ACYP2: variants seen among roughly 807,000 people sequenced by gnomAD.
ACYP2 encodes acylphosphatase-2.
A neutral mutation model predicts 11.2 loss-of-function variants in ACYP2; 12 were observed. The ratio of observed to expected loss-of-function variants is 1.08; its 90% CI spans 0.69 to 1.74. ACYP2 has a LOEUF of 1.74. Ranked by LOEUF, ACYP2 falls within the 40% of genes most tolerant of loss-of-function variation. ACYP2 has a pLI of 0.00. For missense variants in ACYP2, 134 were observed against 101.9 expected (o/e 1.31, Z -1.35); for synonymous variants, 43 against 32.2 (o/e 1.33, Z -1.13).
At chr2:54,054,345 T>C (rs1676012389) in intron 3 of ACYP2, among the ~76,000 whole-genome samples, 1 of 152,246 alleles carries the variant, frequency 6.6e-6, no homozygotes, top group African/African-American at 2.4e-5. Context: ...AAAAGGTTCT[T>C]CTTTTGCTTC....
rs1224038764 is a variant in ACYP2, at chr2:53,988,247, C to G, written c.62+14437C>G. Among the ~76,000 whole-genome samples, 3 of 151,906 alleles carry G rather than the reference C, an allele frequency of 2.0e-5. No individual in the cohort carries two copies. In the East Asian group the frequency reaches 5.8e-4, roughly 29 times the overall value. On this transcript the variant is annotated intron_variant, in intron 2 of 6. Coordinates refer to ENST00000607452, the MANE Select transcript of ACYP2 (RefSeq NM_001320586.2). ...ATAATCAAAAACACTTTGCCTAGTC[C>G]TAGATTCCAAAGTTCTTTTTCTAAA...
intron 2 of ACYP2, among the ~76,000 whole-genome samples, chr2:54,050,734 AT>A (rs796439310): frequency 1.2e-4 from 18 of 152,120 alleles, no homozygotes; most frequent in African/African-American, 3.6e-4. Context: ...CTCTAGTTCA[AT>A]TTTTGATTGC....
At chr2:54,194,564 A>G (rs1229497988) in intron 6 of ACYP2, among the ~76,000 whole-genome samples, 1 of 152,094 alleles carries the variant, frequency 6.6e-6, no homozygotes, top group Non-Finnish European at 1.5e-5. Flanking sequence ...TTATATAATA[A>G]TATATTATAT....
At chr2:54,025,457 A>G (rs961620198) in intron 2 of ACYP2, among the ~76,000 whole-genome samples, 2 of 152,184 alleles carry the variant, frequency 1.3e-5, no homozygotes, top group Non-Finnish European at 2.9e-5. Flanking sequence ...AACACAGCAA[A>G]CAAAAACATA....
rs530236523 is a variant in ACYP2, at chr2:54,264,206, C to T, written c.405-40482C>T. ...TTGATTTCAGGAGTGAAGCCGCAGA[C>T]CTTCTCAGTGAGTGCTACAGGTCAT... On this transcript the variant is annotated intron_variant, in intron 6 of 6. Coordinates refer to ENST00000607452, the MANE Select transcript of ACYP2 (RefSeq NM_001320586.2). Among the ~76,000 whole-genome samples the T allele has an allele frequency of 5.3e-5, 8 of 152,270 alleles. No homozygotes were observed. The South Asian group carries it at 1.7e-3, about 32-fold the overall frequency.
chr2:53,994,352 A>C (rs1309909883), intron 2 of ACYP2, among the ~76,000 whole-genome samples: 10 of 130,406 alleles, frequency 7.7e-5, no homozygotes, highest in Non-Finnish European at 1.3e-4. Context: ...AAAAAAAAAA[A>C]CGAAAAAAAA....
At chr2:54,233,765 T>G (rs144320408) in intron 6 of ACYP2, among the ~76,000 whole-genome samples, 1 of 152,356 alleles carries the variant, frequency 6.6e-6, no homozygotes, top group East Asian at 1.9e-4. Context: ...TAAACCAGTT[T>G]GATCATTATG....
intron 6 of ACYP2, among the ~76,000 whole-genome samples, chr2:54,171,896 T>C (rs1423182813): frequency 6.6e-6 from 1 of 152,146 alleles, no homozygotes; most frequent in Non-Finnish European, 1.5e-5. Context: ...TTCCCTGTAC[T>C]AATTGGAATG....
intron 2 of ACYP2, among the ~76,000 whole-genome samples, chr2:53,992,208 T>TCTTCTTTCTCCTTCCTTC (rs1421046750): frequency 6.6e-6 from 1 of 151,460 alleles, no homozygotes; most frequent in East Asian, 1.9e-4. Flanking sequence ...TTCCTTCCTT[T>TCTTCTTTCTCCTTCCTTC]CTTCTTTCTC....
intron 1 of ACYP2, among the ~76,000 whole-genome samples, chr2:53,971,608 C>T (rs1671122992): frequency 6.6e-6 from 1 of 152,230 alleles, no homozygotes; most frequent in East Asian, 1.9e-4. Flanking sequence ...ACCTGGTTTC[C>T]GCCCTCCCAA....
rs947346656 is a variant in ACYP2, at chr2:54,176,926, C to T, written c.404+38178C>T. Among the ~76,000 whole-genome samples, 23 of 152,110 alleles carry T rather than the reference C, an allele frequency of 1.5e-4. 1 individual carries two copies. The stretch of plus-strand genomic sequence containing the variant: ...CTGTTGCAACTGCATTACAGTTCAC[C>T]TCTCCCTCTGTCAATCCAGCTTCCC... On this transcript the variant is annotated intron_variant, in intron 6 of 6. Transcript: ENST00000607452.
intron 4 of ACYP2, chr2:54,065,782 A>G (rs772478127): frequency 1.1e-4 from 37 of 327,880 alleles, no homozygotes; most frequent in Non-Finnish European, 1.9e-4. Context: ...ATTTAAGAGC[A>G]TTGTTTAAAT....
At chr2:54,303,825 A>G (rs1689816636) in intron 6 of ACYP2, among the ~76,000 whole-genome samples, 1 of 152,266 alleles carries the variant, frequency 6.6e-6, no homozygotes, top group African/African-American at 2.4e-5. Context: ...CTGAGATAAC[A>G]GCCATCATTT....
chr2:54,295,618 CG>C (rs1444888617), intron 6 of ACYP2, among the ~76,000 whole-genome samples: 5 of 151,824 alleles, frequency 3.3e-5, no homozygotes, highest in African/African-American at 1.2e-4. Flanking sequence ...TCTTCGGGGT[CG>C]GGGGGTATTT....
chr2:54,255,930 CA>C (rs1225527001), intron 6 of ACYP2: 1 of 1,614,186 alleles, frequency 6.2e-7, no homozygotes, highest in South Asian at 1.1e-5. Context: ...CCGCATCGAC[CA>C]AGATGTGGAA....
At chr2:54,174,759 C>G (rs1683365593) in intron 6 of ACYP2, among the ~76,000 whole-genome samples, 1 of 152,046 alleles carries the variant, frequency 6.6e-6, no homozygotes, top group African/African-American at 2.4e-5. Context: ...TGTCAAAGGC[C>G]TTTTCTGCAT....
At chr2:54,136,968 T>C (rs1252205371) in intron 5 of ACYP2, among the ~76,000 whole-genome samples, 4 of 151,936 alleles carry the variant, frequency 2.6e-5, no homozygotes, top group African/African-American at 9.7e-5. Flanking sequence ...AAGAGTGAAA[T>C]TCCATCTCAG....
chr2:54,178,825 G>T (rs1307353496), intron 6 of ACYP2, among the ~76,000 whole-genome samples: 1 of 152,184 alleles, frequency 6.6e-6, no homozygotes, highest in Non-Finnish European at 1.5e-5. Context: ...AAGTAACCAT[G>T]AACTTTTCAG....
At chr2:54,260,847 TAAGAC>T (rs71935687) in intron 6 of ACYP2, among the ~76,000 whole-genome samples, 2,099 of 151,858 alleles carry the variant, frequency 0.014, 54 homozygotes, top group African/African-American at 0.048. Context: ...CACTGAGAGA[TAAGAC>T]AAGAGAGAAG....
Sources: gnomAD v4.1 joint callset for allele counts (sites outside exome capture counted in the v4.1 genomes callset) on GRCh38, gnomAD v4.1.1 for gene constraint, MANE v1.5 for transcripts, NCBI Gene and HGNC (gene_info 2026-07-23, HGNC 2026-07-21) for gene names.